Variants in PCSK5 observed in about 807,000 individuals in gnomAD.
The protein encoded by PCSK5 is prohormone convertase 5.
Under a neutral mutation model 233.2 loss-of-function variants are expected in PCSK5, and 129 were observed. That is an observed-to-expected ratio of 0.55 (90% CI 0.48 to 0.64). The LOEUF is 0.64. Among genes scored for constraint, PCSK5 ranks in the 30% least tolerant of loss-of-function variants. The probability of loss-of-function intolerance (pLI) is 0.00; values close to 1 mark genes in which losing one functional copy is unlikely to be tolerated. For missense variants in PCSK5, 2,076 were observed against 2,430.1 expected, an observed-to-expected ratio of 0.85 and a Z score of 3.06; for synonymous variants, 825 against 879.2, an observed-to-expected ratio of 0.94 and a Z score of 1.09.
rs371681012 is a variant in PCSK5 at position 76,135,457 on chromosome 9, C to A, written c.1312+1245C>A. Reference sequence around the variant, plus strand: ...TTCTCTGCTTTGAAGTATTATCAAACACCTTTCCATGCATGTAAACTATAT... The same window carrying A: ...TTCTCTGCTTTGAAGTATTATCAAAAACCTTTCCATGCATGTAAACTATAT... On this transcript the variant is annotated intron_variant, in intron 10 of 37. Transcript: ENST00000674117. 1.1e-4 allele frequency among the ~76,000 whole-genome samples: 17 copies of A among 152,166 alleles called. No individual in the cohort carries two copies. The South Asian group carries it at 3.1e-3, about 28-fold the overall frequency.
Position 76,189,718 on chromosome 9 carries a change from G to A in PCSK5, c.2598G>A (p.Met866Ile). 6.2e-7 allele frequency: 1 copy of A among 1,607,968 alleles called. No individual in the cohort carries two copies. Among genetic ancestry groups the A allele is most frequent in the Non-Finnish European group, 8.5e-7 (1 of 1,174,580 alleles). The change falls in exon 20 of 38, where the codon ATG becomes ATA. Residue 866 changes from methionine (M) to isoleucine (I), a missense_variant. Physicochemically the swap from Met to Ile is conservative, Grantham distance 10. Coordinates refer to ENST00000674117, the MANE Select transcript of PCSK5 (RefSeq NM_001372043.1). The stretch of plus-strand genomic sequence containing the variant: ...GTGGGTATCTCTTAGACTTAGGAAT[G>A]TGTCAAATGGGAGCCATTTGCAAGG... The part of the protein sequence containing the change: ...CPSGYLLDLG[M>I]CQMGAICKDG...
intron 2 of PCSK5, among the ~76,000 whole-genome samples, chr9:75,980,807 C>T (rs1399054817): frequency 1.3e-5 from 2 of 149,320 alleles, no homozygotes; most frequent in African/African-American, 4.9e-5. Context: ...TAGAAAATTT[C>T]TAGGATCTGT....
chr9:75,938,938 C>T (rs1824180900), intron 2 of PCSK5, among the ~76,000 whole-genome samples: 1 of 152,122 alleles, frequency 6.6e-6, no homozygotes, highest in Admixed American at 6.6e-5. Context: ...TATTTTTGAT[C>T]ATCACCTTCT....
At position 76,071,731 on chromosome 9, in the gene PCSK5, CG is replaced by C; in HGVS notation, c.728del (p.Arg243GlnfsTer132). 6.2e-7 allele frequency: 1 copy of C among 1,610,178 alleles called. No individual in the cohort carries two copies. The highest frequency in any genetic ancestry group is 8.5e-7 in the Non-Finnish European group (1 of 1,178,142). ...IAFNAKIGGV[R>X]MLDGDVTDMV... ...TTCTCCTTTCTGTGTTGAAGGAGTGCGAATGCTGGACGGAGATGTCACGGAC... is the reference window on the plus strand; with the variant it reads ...TTCTCCTTTCTGTGTTGAAGGAGTGCAATGCTGGACGGAGATGTCACGGAC... On this transcript the variant is annotated frameshift_variant, in exon 7 of 38. Coordinates refer to ENST00000674117, the MANE Select transcript of PCSK5 (RefSeq NM_001372043.1). LOFTEE classifies it high-confidence loss of function.
chr9:76,217,695 T>A (rs1346641162), intron 20 of PCSK5, among the ~76,000 whole-genome samples: 1 of 152,036 alleles, frequency 6.6e-6, no homozygotes, highest in Non-Finnish European at 1.5e-5. Context: ...GAGCACACAG[T>A]GGGAATGAGA....
intron 20 of PCSK5, among the ~76,000 whole-genome samples, chr9:76,223,142 A>C (rs1825783727): frequency 6.6e-6 from 1 of 152,194 alleles, no homozygotes; most frequent in African/African-American, 2.4e-5. Flanking sequence ...CTCTCTTACC[A>C]ATCATCTTGC....
intron 3 of PCSK5, among the ~76,000 whole-genome samples, chr9:75,999,491 C>G (rs1827172718): frequency 1.3e-5 from 2 of 152,234 alleles, no homozygotes; most frequent in African/African-American, 4.8e-5. Flanking sequence ...AAAAGTATCC[C>G]TTATGGAAAG....
Position 76,270,998 on chromosome 9 carries a change from A to C in PCSK5, c.3143-21235A>C, listed in dbSNP as rs547513561. 3.9e-5 allele frequency among the ~76,000 whole-genome samples: 6 copies of C among 152,196 alleles called. No individual in the cohort carries two copies. The East Asian group carries it at 1.2e-3, about 29-fold the overall frequency. On this transcript the variant is annotated intron_variant, in intron 24 of 37. Transcript: ENST00000674117. ...CACTTTAAAGTCAGCAAACATATTA[A>C]GTGCCCGCTGTGTACTATCATCTTC...
Position 75,908,941 on chromosome 9 carries a change from G to GTCTATCTATCTA in PCSK5, c.192+17607_192+17618dup, listed in dbSNP as rs58082978. On this transcript the variant is annotated intron_variant, in intron 1 of 37. Coordinates refer to ENST00000674117, the MANE Select transcript of PCSK5 (RefSeq NM_001372043.1). Reference sequence around the variant, plus strand: ...TATCTATCTCTCTATCTCTCTCTCTGTCTATCTATCTATCTATCTATCTAT... The same window carrying GTCTATCTATCTA: ...TATCTATCTCTCTATCTCTCTCTCTGTCTATCTATCTATCTATCTATCTATCTATCTATCTAT... 7.8e-3 allele frequency among the ~76,000 whole-genome samples: 908 copies of GTCTATCTATCTA among 116,588 alleles called. 6 individuals carry two copies. The highest frequency in any genetic ancestry group is 0.012 in the Admixed American group (129 of 10,964). 76.5% of individuals were successfully genotyped at this position (116,588 alleles called of 152,430 possible).
intron 3 of PCSK5, among the ~76,000 whole-genome samples, chr9:75,994,506 C>A (rs912324335): frequency 1.4e-5 from 2 of 141,762 alleles, no homozygotes; most frequent in African/African-American, 5.2e-5. Flanking sequence ...CTCACTGCAA[C>A]CTCCGCCTCC....
intron 30 of PCSK5, among the ~76,000 whole-genome samples, chr9:76,315,928 G>GTT (rs71499141): frequency 0.029 from 2,694 of 91,422 alleles, 31 homozygotes; most frequent in Middle Eastern, 0.057. Flanking sequence ...CACTTCAAGG[G>GTT]TTTTTTTTTT....
At chr9:76,288,765 T>C (rs1828166680) in intron 24 of PCSK5, among the ~76,000 whole-genome samples, 1 of 152,216 alleles carries the variant, frequency 6.6e-6, no homozygotes, top group African/African-American at 2.4e-5. Context: ...TCCACTTGTA[T>C]GTATCCTGAA....
At chr9:76,143,623 C>T (rs1006237950) in intron 10 of PCSK5, among the ~76,000 whole-genome samples, 1 of 151,772 alleles carries the variant, frequency 6.6e-6, no homozygotes, top group African/African-American at 2.4e-5. Flanking sequence ...GTATTTGTGA[C>T]CTTAAGACTG....
chr9:76,199,992 T>C (rs1339169541), intron 20 of PCSK5, among the ~76,000 whole-genome samples: 2 of 152,118 alleles, frequency 1.3e-5, no homozygotes, highest in Non-Finnish European at 1.5e-5. Context: ...CTCTAAATGG[T>C]CTACTTCTGC....
intron 9 of PCSK5, among the ~76,000 whole-genome samples, chr9:76,122,837 T>C (rs1832698509): frequency 6.7e-6 from 1 of 150,326 alleles, no homozygotes; most frequent in Non-Finnish European, 1.5e-5. Context: ...CTTTTTTTTT[T>C]TTTTTTAATT....
At chr9:76,047,684 G>A (rs1236276959) in intron 5 of PCSK5, among the ~76,000 whole-genome samples, 1 of 152,102 alleles carries the variant, frequency 6.6e-6, no homozygotes, top group African/African-American at 2.4e-5. Context: ...CAGTGTAGGA[G>A]GGACTCATTA....
intron 1 of PCSK5, among the ~76,000 whole-genome samples, chr9:75,908,869 TTCTATTTATCTATCTATCTA>T (rs1479666269): frequency 1.0e-4 from 12 of 119,906 alleles, no homozygotes; most frequent in African/African-American, 3.7e-4. Flanking sequence ...ATCCTTCTCT[TTCTATTTATCTATCTATCTA>T]TCTATCTATC....
At position 75,930,721 on chromosome 9, in the gene PCSK5, T is replaced by G. The variant is rs114316870; in HGVS notation, c.193-1658T>G. On this transcript the variant is annotated intron_variant, in intron 1 of 37. Transcript: ENST00000674117. ...TCTTCCTTATGGAAATTCTGTTTCT[T>G]TCCACGAGAACTACTGTATTTACCA... Among the ~76,000 whole-genome samples the G allele has an allele frequency of 2.8e-3, 432 of 152,306 alleles. 4 individuals are homozygous for G. The highest frequency in any genetic ancestry group is 9.5e-3 in the African/African-American group (394 of 41,576).
intron 11 of PCSK5, among the ~76,000 whole-genome samples, chr9:76,158,308 G>A (rs1454886369): frequency 6.6e-6 from 1 of 152,186 alleles, no homozygotes; most frequent in African/African-American, 2.4e-5. Flanking sequence ...AGGAAGAAGC[G>A]TTAGCCGTAG....
Sources: gnomAD v4.1 joint callset for allele counts (sites outside exome capture counted in the v4.1 genomes callset) on GRCh38, gnomAD v4.1.1 for gene constraint, MANE v1.5 for transcripts, NCBI Gene and HGNC (gene_info 2026-07-23, HGNC 2026-07-21) for gene names.